Variants in FAM228B observed in about 807,000 individuals in gnomAD.
FAM228B encodes the protein family with sequence similarity 228 member B.
In FAM228B, 38 loss-of-function variants were observed where a neutral mutation model predicts 42.6. The ratio of observed to expected loss-of-function variants is 0.89; its 90% CI spans 0.69 to 1.17. FAM228B has a LOEUF of 1.17. FAM228B is among the 50% of genes most tolerant of loss of function. The probability of loss-of-function intolerance (pLI) is 0.00; values close to 1 mark genes in which losing one functional copy is unlikely to be tolerated. For missense variants in FAM228B, 344 were observed against 367.3 expected (o/e 0.94, Z 0.52); for synonymous variants, 109 against 122.3 (o/e 0.89, Z 0.72).
At chr2:24,144,731 C>G (rs1324183119) in intron 5 of FAM228B, among the ~76,000 whole-genome samples, 1 of 152,142 alleles carries the variant, frequency 6.6e-6, no homozygotes, top group South Asian at 2.1e-4. Flanking sequence ...AGGACAGGCC[C>G]CACCTGCAGC....
At chr2:24,119,922 T>C (rs1202237518), upstream of FAM228B, among the ~76,000 whole-genome samples, 1 of 152,198 alleles carries the variant, frequency 6.6e-6, no homozygotes, top group Non-Finnish European at 1.5e-5. Flanking sequence ...TAATGGTAGA[T>C]GGATTTTGAA....
chr2:24,167,264 G>GA (rs1667442705), intron 9 of FAM228B, among the ~76,000 whole-genome samples: 1 of 152,198 alleles, frequency 6.6e-6, no homozygotes, highest in African/African-American at 2.4e-5. Flanking sequence ...GGAAGTGGGT[G>GA]AAAGCGAGAA....
chr2:24,126,577 A>G (rs935737128), intron 2 of FAM228B, among the ~76,000 whole-genome samples: 1 of 149,134 alleles, frequency 6.7e-6, no homozygotes, highest in Non-Finnish European at 1.5e-5. Flanking sequence ...GACTCTTCCT[A>G]TTGAGATATA....
intron 2 of FAM228B, among the ~76,000 whole-genome samples, chr2:24,133,611 A>AT (rs1666508577): frequency 6.6e-6 from 1 of 152,182 alleles, no homozygotes; most frequent in South Asian, 2.1e-4. Context: ...AACTGCTTCC[A>AT]TTTTCTGGCA....
intron 3 of FAM228B, among the ~76,000 whole-genome samples, chr2:24,112,797 T>G (rs1301332952): frequency 1.3e-5 from 2 of 152,204 alleles, no homozygotes; most frequent in Admixed American, 6.5e-5. Context: ...CTTCCCATTT[T>G]CATTGATCAC....
intron 2 of FAM228B, among the ~76,000 whole-genome samples, chr2:24,132,754 G>A (rs950040841): frequency 6.6e-6 from 1 of 151,962 alleles, no homozygotes; most frequent in African/African-American, 2.4e-5. Flanking sequence ...ACATTGTGGA[G>A]GGTCTGGATT....
rs1050039766 is a variant in FAM228B, at chr2:24,124,445, C to G, written c.84C>G (p.Pro28=). The change falls in exon 2 of 11, where the codon CCC becomes CCG. Residue 28 remains proline (P), a synonymous_variant. Transcript: ENST00000615575. ...KSSKEWLEPK[P]LCFMEVLAKE... Reference sequence around the variant, plus strand: ...CAAAAGAATGGTTGGAGCCCAAGCCCCTTTGTTTTATGGAGGTATATATCA... The same window carrying G: ...CAAAAGAATGGTTGGAGCCCAAGCCGCTTTGTTTTATGGAGGTATATATCA... The G allele has an allele frequency of 6.1e-5, 94 of 1,549,430 alleles. No individual in the cohort carries two copies. Among genetic ancestry groups the G allele is most frequent in the Non-Finnish European group, 8.0e-5 (92 of 1,146,290 alleles).
chr2:24,120,562 A>AT (rs1455242098), upstream of FAM228B, among the ~76,000 whole-genome samples: 1 of 139,448 alleles, frequency 7.2e-6, no homozygotes, highest in Non-Finnish European at 1.6e-5. Flanking sequence ...TTTTTTTAAA[A>AT]TTTTTTTTTT....
At chr2:24,133,866 C>T (rs1026710279) in intron 2 of FAM228B, among the ~76,000 whole-genome samples, 2 of 152,106 alleles carry the variant, frequency 1.3e-5, no homozygotes, top group African/African-American at 2.4e-5. Flanking sequence ...GCGCTATGAT[C>T]ATACTACTAC....
intron 3 of FAM228B, among the ~76,000 whole-genome samples, chr2:24,137,437 A>G (rs1400172280): frequency 6.6e-6 from 1 of 152,160 alleles, no homozygotes; most frequent in East Asian, 1.9e-4. Context: ...CCATACATAT[A>G]TCCATCATAT....
At chr2:24,126,921 C>T (rs1666324422) in intron 2 of FAM228B, among the ~76,000 whole-genome samples, 5 of 152,140 alleles carry the variant, frequency 3.3e-5, no homozygotes, top group South Asian at 2.1e-4. Context: ...ACCGGGCGCC[C>T]GGCCAAGATT....
At chr2:24,101,796 C>G (rs928172319) in intron 3 of FAM228B, among the ~76,000 whole-genome samples, 1 of 152,192 alleles carries the variant, frequency 6.6e-6, no homozygotes, top group African/African-American at 2.4e-5. Flanking sequence ...CATTCTTCCA[C>G]CTCAGCCTCT....
intron 2 of FAM228B, among the ~76,000 whole-genome samples, chr2:24,086,060 C>T (rs995292759): frequency 1.3e-5 from 2 of 151,874 alleles, no homozygotes; most frequent in African/African-American, 4.8e-5. Context: ...ACGGTGAAAC[C>T]CCGTCTCTAC....
chr2:24,161,671 C>A, intron 8 of FAM228B, 58 bp downstream of exon 8: 1 of 991,962 alleles, frequency 1.0e-6, no homozygotes, highest in Non-Finnish European at 1.6e-6. Context: ...GGCTGTGCTG[C>A]CATCCCCTGC....
Position 24,146,793 on chromosome 2 carries a change from G to A in FAM228B, c.487G>A (p.Asp163Asn). The A allele has an allele frequency of 1.9e-6, 3 of 1,550,248 alleles. No homozygotes were observed. The highest frequency in any genetic ancestry group is 2.6e-6 in the Non-Finnish European group (3 of 1,146,008). ...TGACCCTTTGAAAAAAGCACAATATGACAAGGATAACGAAAAAAGAACTCT... is the reference window on the plus strand; with the variant it reads ...TGACCCTTTGAAAAAAGCACAATATAACAAGGATAACGAAAAAAGAACTCT... Reference protein sequence around the residue: ...FHDPLKKAQYDKDNEKRTLLQ... With the variant: ...FHDPLKKAQYNKDNEKRTLLQ... The change falls in exon 6 of 11, where the codon GAC becomes AAC. Residue 163 changes from aspartate to asparagine, a missense_variant. By Grantham distance (23) the Asp-to-Asn change is conservative. Coordinates refer to ENST00000615575, the MANE Select transcript of FAM228B (RefSeq NM_001145710.2).
intron 7 of FAM228B, among the ~76,000 whole-genome samples, chr2:24,158,213 T>TTTTTTTTTTTTTC (rs56212229): frequency 5.6e-5 from 8 of 143,098 alleles, no homozygotes; most frequent in African/African-American, 2.0e-4. Flanking sequence ...TTTTTTTTTT[T>TTTTTTTTTTTTTC]CCAAAACATT....
intron 3 of FAM228B, among the ~76,000 whole-genome samples, chr2:24,109,249 G>A (rs1665750849): frequency 6.7e-6 from 1 of 149,112 alleles, no homozygotes; most frequent in East Asian, 2.0e-4. Context: ...GCCACATGCA[G>A]AAGATTGAAA....
chr2:24,111,431 C>CA (rs1665793976), intron 3 of FAM228B, among the ~76,000 whole-genome samples: 2 of 152,184 alleles, frequency 1.3e-5, no homozygotes, highest in African/African-American at 4.8e-5. Flanking sequence ...TCAAGTCTTG[C>CA]AGGCTTGAGA....
chr2:24,138,128 T>C (rs1055238729), intron 4 of FAM228B, 28 bp downstream of exon 4: 13 of 1,479,258 alleles, frequency 8.8e-6, no homozygotes, highest in Non-Finnish European at 1.2e-5. Context: ...GATGCTTTTT[T>C]CAGTTGATTT....
Sources: gnomAD v4.1 joint callset for allele counts (sites outside exome capture counted in the v4.1 genomes callset) on GRCh38, gnomAD v4.1.1 for gene constraint, MANE v1.5 for transcripts, NCBI Gene and HGNC (gene_info 2026-07-23, HGNC 2026-07-21) for gene names.